The following UMPS variants were observed in gnomAD, a reference collection of about 807,000 sequenced individuals.
The protein encoded by UMPS is uridine monophosphate synthetase, also known as uridine 5'-monophosphate synthase.
In UMPS, 21 loss-of-function variants were observed where a neutral mutation model predicts 38.9. The observed-to-expected ratio is 0.54, with a 90% CI of 0.38 to 0.78. The LOEUF is 0.78. UMPS is among the 30% of genes least tolerant of loss of function. The pLI is 0.00. For synonymous variants in UMPS, 208 were observed against 219.3 expected, an observed-to-expected ratio of 0.95 and a Z score of 0.45; for missense variants, 533 against 591.6, an observed-to-expected ratio of 0.90 and a Z score of 1.03.
chr3:124,738,320 G>A, intron 3 of UMPS, 81 bp downstream of exon 3: 1 of 1,474,224 alleles, frequency 6.8e-7, no homozygotes, highest in Non-Finnish European at 9.3e-7. Context: ...TCATGTCATT[G>A]AAAGTCCATT....
rs1387243813 is a variant in UMPS at position 124,748,654 on chromosome 3, C to T, written c.*4570C>T. The T allele has an allele frequency of 4.4e-6, 2 of 453,882 alleles. No homozygotes were observed. The highest frequency in any genetic ancestry group is 2.4e-5 in the Admixed American group (1 of 42,534). The allele number at this position is 453,882 out of a possible 1,614,324, so 28.1% of individuals were successfully genotyped here. On this transcript the variant is annotated 3_prime_UTR_variant, in exon 6 of 6. Coordinates refer to ENST00000232607, the MANE Select transcript of UMPS (RefSeq NM_000373.4). ...GGAGGGAGGAAGGGCAGTTGACACC[C>T]AAAATAAGGGTGGGGAACTGTCAGC...
chr3:124,731,287 T>C (rs1579123544), intron 1 of UMPS, among the ~76,000 whole-genome samples: 2 of 151,864 alleles, frequency 1.3e-5, no homozygotes, highest in East Asian at 3.9e-4. Context: ...AAAAGGAAAA[T>C]AGAACAACCA....
In UMPS at chr3:124,739,266, C is replaced by T. The variant is rs551461884; in HGVS notation, c.983-758C>T. ...CTAAGGAACACGTAGAAATATTGAGCGATAGTAAAGCTGCTGAGAGACCCC... is the reference window on the plus strand; with the variant it reads ...CTAAGGAACACGTAGAAATATTGAGTGATAGTAAAGCTGCTGAGAGACCCC... On this transcript the variant is annotated intron_variant, in intron 3 of 5. Coordinates refer to ENST00000232607, the MANE Select transcript of UMPS (RefSeq NM_000373.4). Among the ~76,000 whole-genome samples, 72 of 152,240 alleles carry T rather than the reference C, an allele frequency of 4.7e-4. 1 individual carries two copies. The Middle Eastern group carries it at 0.014, about 29-fold the overall frequency.
chr3:124,744,254 T>G lies in UMPS; in HGVS notation c.*170T>G. On this transcript the variant is annotated 3_prime_UTR_variant, in exon 6 of 6. Transcript: ENST00000232607. ...TGGTCTTTAGGAAATATTGAGTAAT[T>G]TGTAATCACCGCATTGATACTATAA... 1 of 798,498 alleles carries G rather than the reference T, an allele frequency of 1.3e-6. No homozygotes were observed. Among genetic ancestry groups the G allele is most frequent in the Non-Finnish European group, 2.1e-6 (1 of 479,700 alleles). 49.5% of individuals were successfully genotyped at this position (798,498 alleles called of 1,614,324 possible).
chr3:124,735,275 GTTAA>G (rs1303319575), intron 2 of UMPS, 29 bp downstream of exon 2: 1 of 1,591,384 alleles, frequency 6.3e-7, no homozygotes, highest in African/African-American at 1.3e-5. Context: ...AAAGCATGAA[GTTAA>G]TTAATCTGTA....
chr3:124,743,278 G>A lies in UMPS; in HGVS notation c.1274-637G>A, dbSNP rs1476142077. 2.0e-5 allele frequency among the ~76,000 whole-genome samples: 3 copies of A among 152,054 alleles called. No individual in the cohort carries two copies. The East Asian group carries it at 5.8e-4, about 29-fold the overall frequency. ...GAATCCGGGAGGCGGGGGTTGCAGC[G>A]AGCTGAGATTGTGCCATTGCACTCC... On this transcript the variant is annotated intron_variant, in intron 5 of 5. Coordinates refer to ENST00000232607, the MANE Select transcript of UMPS (RefSeq NM_000373.4).
chr3:124,731,525 A>G (rs1312123806), intron 1 of UMPS: 3 of 436,594 alleles, frequency 6.9e-6, no homozygotes, highest in Non-Finnish European at 1.4e-5. Flanking sequence ...CTCTTACGTC[A>G]CCCAGGCTGG....
At chr3:124,740,304 A>G in intron 4 of UMPS, 105 bp downstream of exon 4, 1 of 1,213,212 alleles carries the variant, frequency 8.2e-7, no homozygotes, top group Non-Finnish European at 1.2e-6. Context: ...GCCAAAAAAA[A>G]AATCCAGCTC....
chr3:124,732,967 GGT>G (rs61383415), intron 1 of UMPS, among the ~76,000 whole-genome samples: 2,325 of 147,586 alleles, frequency 0.016, 35 homozygotes, highest in East Asian at 0.057. Context: ...ACTAGATCAT[GGT>G]GTGTGTGTGT....
At chr3:124,742,102 C>G in intron 4 of UMPS, 50 bp from the exon 5 acceptor site, 7 of 1,106,482 alleles carry the variant, frequency 6.3e-6, no homozygotes, top group East Asian at 2.8e-5. Context: ...TACTTTTATT[C>G]TGTGTGATTA....
intron 1 of UMPS, chr3:124,731,425 T>C: frequency 3.0e-6 from 1 of 331,834 alleles, no homozygotes; most frequent in Non-Finnish European, 6.1e-6. Flanking sequence ...ATTATCTTAA[T>C]GTACCTGGAA....
intron 5 of UMPS, among the ~76,000 whole-genome samples, chr3:124,743,693 C>T (rs1326756145): frequency 6.6e-6 from 1 of 151,960 alleles, no homozygotes; most frequent in African/African-American, 2.4e-5. Context: ...ATAAACTTTA[C>T]CATTGAAAAG....
intron 1 of UMPS, among the ~76,000 whole-genome samples, chr3:124,730,939 A>G (rs536885089): frequency 1.3e-5 from 2 of 152,314 alleles, no homozygotes; most frequent in East Asian, 3.9e-4. Flanking sequence ...TAAGAAAATT[A>G]GACTTGCGGC....
intron 2 of UMPS, chr3:124,737,225 G>T (rs1247559842): frequency 3.5e-5 from 10 of 285,358 alleles, no homozygotes; most frequent in Non-Finnish European, 6.0e-5. Flanking sequence ...ACAACATAGT[G>T]AGACCTCATC....
chr3:124,731,814 G>T (rs2063480554), intron 1 of UMPS, among the ~76,000 whole-genome samples: 1 of 151,168 alleles, frequency 6.6e-6, no homozygotes, highest in Admixed American at 6.6e-5. Context: ...GAAGAATCAG[G>T]AGGTTGCAGT....
chr3:124,731,203 C>T (rs1366379646), intron 1 of UMPS, among the ~76,000 whole-genome samples: 1 of 141,764 alleles, frequency 7.1e-6, no homozygotes. Context: ...AGACCCTGCC[C>T]TCAAAAAACA....
At position 124,748,469 on chromosome 3, in the gene UMPS, A is replaced by G. The variant is rs1311633011; in HGVS notation, c.*4385A>G. ...ATAATTAGAATATTTTTTAACTTCT[A>G]AAGTTCAAGGTTTTGGCATAAGTCT... On this transcript the variant is annotated 3_prime_UTR_variant, in exon 6 of 6. Coordinates refer to ENST00000232607, the MANE Select transcript of UMPS (RefSeq NM_000373.4). The G allele has an allele frequency of 6.6e-6, 3 of 453,788 alleles. No homozygotes were observed. Among genetic ancestry groups the G allele is most frequent in the Admixed American group, 4.7e-5 (2 of 42,516 alleles). 28.1% of individuals were successfully genotyped at this position (453,788 alleles called of 1,614,324 possible).
At position 124,747,070 on chromosome 3, in the gene UMPS, C is replaced by G. The variant is rs750447867; in HGVS notation, c.*2986C>G. On this transcript the variant is annotated 3_prime_UTR_variant, in exon 6 of 6. Coordinates refer to ENST00000232607, the MANE Select transcript of UMPS (RefSeq NM_000373.4). ...TTGCCCAGGCTGGAGTATATCATGG[C>G]TCACTGCAACCTTGACTTGGGCTCA... 1 of 453,478 alleles carries G rather than the reference C, an allele frequency of 2.2e-6. No homozygotes were observed. Among genetic ancestry groups the G allele is most frequent in the Non-Finnish European group, 4.4e-6 (1 of 226,466 alleles). 28.1% of individuals were successfully genotyped at this position (453,478 alleles called of 1,614,324 possible).
chr3:124,730,662 T>G (rs781387374), intron 1 of UMPS, 35 bp downstream of exon 1: 21 of 1,603,254 alleles, frequency 1.3e-5, no homozygotes, highest in Non-Finnish European at 1.8e-5. Flanking sequence ...CAGGGCTTGG[T>G]GGCGGGAAGG....
Sources: gnomAD v4.1 joint callset for allele counts (sites outside exome capture counted in the v4.1 genomes callset) on GRCh38, gnomAD v4.1.1 for gene constraint, MANE v1.5 for transcripts, NCBI Gene and HGNC (gene_info 2026-07-23, HGNC 2026-07-21) for gene names.